MAPK10: variants seen among roughly 807,000 people sequenced by gnomAD.
MAPK10 encodes the protein mitogen-activated protein kinase 10, also known as JNK3 alpha protein kinase.
A neutral mutation model predicts 59.3 loss-of-function variants in MAPK10; 25 were observed. That is an observed-to-expected ratio of 0.42 (90% CI 0.31 to 0.59). The LOEUF is 0.59. Among genes scored for constraint, MAPK10 ranks in the 20% least tolerant of loss-of-function variants. MAPK10 has a pLI of 0.15. For missense variants in MAPK10, 351 were observed against 568.9 expected, an observed-to-expected ratio of 0.62 and a Z score of 3.90; for synonymous variants, 190 against 200.5, an observed-to-expected ratio of 0.95 and a Z score of 0.44.
At chr4:86,451,231 C>T (rs1006660557) in intron 1 of MAPK10, among the ~76,000 whole-genome samples, 1 of 152,112 alleles carries the variant, frequency 6.6e-6, no homozygotes, top group Admixed American at 6.5e-5. Context: ...TTTTATCATT[C>T]GGTTTTTAAG....
In MAPK10 at chr4:86,127,391, G is replaced by C. The variant is rs563756706; in HGVS notation, c.237-20039C>G. Among the ~76,000 whole-genome samples, 120 of 152,100 alleles carry C rather than the reference G, an allele frequency of 7.9e-4. No homozygotes were observed. The South Asian group carries it at 8.3e-3, about 11-fold the overall frequency. On this transcript the variant is annotated intron_variant, in intron 4 of 13. Transcript: ENST00000641462. Reference sequence around the variant, plus strand: ...GATGTACTCCTAACACCAGAGGAGAGTGAATATATAGTCCTTAGATTTCTA... The same window carrying C: ...GATGTACTCCTAACACCAGAGGAGACTGAATATATAGTCCTTAGATTTCTA...
intron 2 of MAPK10, among the ~76,000 whole-genome samples, chr4:86,343,387 G>T (rs900522598): frequency 3.9e-5 from 6 of 152,146 alleles, no homozygotes; most frequent in Non-Finnish European, 8.8e-5. Context: ...GACAGGTAAT[G>T]GGTGAAAATG....
chr4:86,358,486 T>G (rs1219611650), intron 1 of MAPK10: 2 of 472,724 alleles, frequency 4.2e-6, no homozygotes, highest in African/African-American at 4.2e-5. Context: ...GCAGGGCTGC[T>G]GTACAGACAC....
At chr4:86,541,693 A>G (rs1298198730) in intron 1 of MAPK10, among the ~76,000 whole-genome samples, 1 of 152,168 alleles carries the variant, frequency 6.6e-6, no homozygotes. Flanking sequence ...CTACAGTGCT[A>G]TTTTGGTCTA....
intron 2 of MAPK10, among the ~76,000 whole-genome samples, chr4:86,308,322 T>C (rs1374549165): frequency 6.6e-6 from 1 of 152,136 alleles, no homozygotes; most frequent in East Asian, 1.9e-4. Context: ...AAAAAAGAGA[T>C]TGATTTTTAT....
chr4:86,490,387 G>A (rs1291026543), intron 1 of MAPK10, among the ~76,000 whole-genome samples: 3 of 152,154 alleles, frequency 2.0e-5, no homozygotes, highest in African/African-American at 7.2e-5. Flanking sequence ...GGGCATCCTG[G>A]TTGACTCTGT....
intron 1 of MAPK10, among the ~76,000 whole-genome samples, chr4:86,534,305 T>A (rs1225047727): frequency 7.2e-5 from 11 of 152,084 alleles, no homozygotes; most frequent in Admixed American, 2.0e-4. Flanking sequence ...TCTTTAAGAA[T>A]AAATTTATTT....
Position 86,444,003 on chromosome 4 carries a change from G to A in MAPK10, c.-122+9027C>T, listed in dbSNP as rs367938476. On this transcript the variant is annotated intron_variant, in intron 1 of 13. Coordinates refer to the MAPK10 transcript ENST00000361569. ...TTTTTGGGAAAGAATCTGAGTTTGA[G>A]GATATGTCAATAGAAACTGAAAATT... Among the ~76,000 whole-genome samples the A allele has an allele frequency of 7.9e-5, 12 of 151,450 alleles. No individual in the cohort carries two copies. The South Asian group carries it at 1.2e-3, about 16-fold the overall frequency.
rs568503218 is a variant in MAPK10 at position 86,549,851 on chromosome 4, TAAAC to T, written c.-263+44055_-263+44058del. 2.1e-3 allele frequency among the ~76,000 whole-genome samples: 316 copies of T among 151,574 alleles called. 4 individuals are homozygous for T. The highest frequency in any genetic ancestry group is 6.0e-3 in the African/African-American group (248 of 41,272). On this transcript the variant is annotated intron_variant, in intron 1 of 4. Coordinates refer to the MAPK10 transcript ENST00000502302. ...CAGCACAAGGCCCTGTTTCTAAGAA[TAAAC>T]AAACAAACAAACAAAACAATAAGGG...
At chr4:86,094,781 G>T (rs2053920623) in intron 9 of MAPK10, among the ~76,000 whole-genome samples, 1 of 151,730 alleles carries the variant, frequency 6.6e-6, no homozygotes, top group Non-Finnish European at 1.5e-5. Flanking sequence ...CAAAATCTGA[G>T]TGAAGCTAAA....
intron 1 of MAPK10, among the ~76,000 whole-genome samples, chr4:86,532,724 C>T (rs1757937412): frequency 6.6e-6 from 1 of 152,324 alleles, no homozygotes; most frequent in Non-Finnish European, 1.5e-5. Flanking sequence ...TCTTTCCCTC[C>T]ACTTTTCTGA....
At chr4:86,436,897 A>G (rs774080589) in intron 1 of MAPK10, among the ~76,000 whole-genome samples, 3 of 152,212 alleles carry the variant, frequency 2.0e-5, no homozygotes, top group Non-Finnish European at 4.4e-5. Context: ...TCAGAGAAAA[A>G]GTTTTCAATA....
At chr4:86,422,326 C>T (rs1448100945) in intron 1 of MAPK10, among the ~76,000 whole-genome samples, 4 of 152,040 alleles carry the variant, frequency 2.6e-5, no homozygotes, top group Non-Finnish European at 5.9e-5. Context: ...ATGTATTATA[C>T]CTTAAGAGTA....
intron 2 of MAPK10, among the ~76,000 whole-genome samples, chr4:86,311,865 C>T (rs1021821389): frequency 5.3e-5 from 8 of 152,170 alleles, no homozygotes; most frequent in Non-Finnish European, 8.8e-5. Flanking sequence ...ATCAATCCCT[C>T]GATCAGACTC....
chr4:86,237,651 C>T (rs995651509), intron 2 of MAPK10, among the ~76,000 whole-genome samples: 2 of 152,122 alleles, frequency 1.3e-5, no homozygotes, highest in Non-Finnish European at 2.9e-5. Context: ...ACATAAATGT[C>T]TTCTTTTAAG....
chr4:86,102,712 G>A (rs113890574), intron 6 of MAPK10, among the ~76,000 whole-genome samples: 27,984 of 151,798 alleles, frequency 0.18, 2,719 homozygotes, highest in African/African-American at 0.23. Context: ...GTAGAGGTGG[G>A]GTTTCACCAT....
intron 1 of MAPK10, among the ~76,000 whole-genome samples, chr4:86,469,827 A>C (rs79169996): frequency 0.015 from 2,320 of 152,234 alleles, 50 homozygotes; most frequent in African/African-American, 0.051. Flanking sequence ...CATTTGAGAG[A>C]TTTTTTTAAG....
chr4:86,591,840 G>A (rs1332529776), intron 1 of MAPK10, among the ~76,000 whole-genome samples: 1 of 151,982 alleles, frequency 6.6e-6, no homozygotes, highest in African/African-American at 2.4e-5. Flanking sequence ...AATTGCATTG[G>A]CTATCGTTTC....
intron 2 of MAPK10, among the ~76,000 whole-genome samples, chr4:86,205,408 C>T (rs1023377801): frequency 6.6e-5 from 10 of 151,888 alleles, no homozygotes; most frequent in Admixed American, 1.3e-4. Context: ...GAGATTTTAA[C>T]ACATGTAAGT....
Sources: allele counts gnomAD v4.1 joint callset (sites outside exome capture counted in the v4.1 genomes callset), GRCh38; gene constraint gnomAD v4.1.1; transcripts MANE v1.5; gene names NCBI Gene and HGNC (gene_info 2026-07-23, HGNC 2026-07-21).